SLC24A2: variants seen among roughly 807,000 people sequenced by gnomAD.
The protein encoded by SLC24A2 is solute carrier family 24 member 2, also known as sodium/potassium/calcium exchanger 2.
In SLC24A2, 36 loss-of-function variants were observed where a neutral mutation model predicts 62.0. The observed-to-expected ratio is 0.58, with a 90% CI of 0.44 to 0.77. SLC24A2 has a LOEUF of 0.77. Ranked by LOEUF, SLC24A2 falls within the 30% of genes least tolerant of loss-of-function variation. The pLI, the probability that SLC24A2 is intolerant of heterozygous loss-of-function variation, is 0.00. For synonymous variants in SLC24A2, 358 were observed against 294.0 expected, an observed-to-expected ratio of 1.22 and a Z score of -2.23; for missense variants, 846 against 817.9, an observed-to-expected ratio of 1.03 and a Z score of -0.42.
At chr9:19,732,594 A>G (rs1045687015) in intron 2 of SLC24A2, among the ~76,000 whole-genome samples, 56 of 152,328 alleles carry the variant, frequency 3.7e-4, no homozygotes, top group African/African-American at 1.3e-3. Flanking sequence ...TGTCTTAATG[A>G]GGCTTTGGCA....
the SLC24A2 span, among the ~76,000 whole-genome samples, chr9:20,108,378 G>T: frequency 1.3e-5 from 2 of 152,160 alleles, no homozygotes; most frequent in East Asian, 1.9e-4. Flanking sequence ...AAATCATGCT[G>T]CTATAAAGAC....
the SLC24A2 span, among the ~76,000 whole-genome samples, chr9:20,084,735 T>C: frequency 6.6e-6 from 1 of 152,152 alleles, no homozygotes; most frequent in Non-Finnish European, 1.5e-5. Context: ...CAGTTCAGTT[T>C]CTACACCTTC....
chr9:19,780,468 A>G (rs1822980684), intron 2 of SLC24A2, among the ~76,000 whole-genome samples: 1 of 151,332 alleles, frequency 6.6e-6, no homozygotes, highest in African/African-American at 2.4e-5. Flanking sequence ...GGGTTTCACC[A>G]TCTTGGCCAG....
chr9:20,151,897 C>T, the SLC24A2 span, among the ~76,000 whole-genome samples: 1 of 151,708 alleles, frequency 6.6e-6, no homozygotes, highest in African/African-American at 2.4e-5. Flanking sequence ...CAAAAGAACT[C>T]ATTCCTTTCT....
the SLC24A2 span, among the ~76,000 whole-genome samples, chr9:19,971,510 A>T: frequency 4.1e-4 from 63 of 152,330 alleles, no homozygotes; most frequent in African/African-American, 1.4e-3. Flanking sequence ...CAGGGGAAGG[A>T]TTCTCACTTA....
chr9:20,070,968 A>G, the SLC24A2 span, among the ~76,000 whole-genome samples: 1 of 152,178 alleles, frequency 6.6e-6, no homozygotes, highest in African/African-American at 2.4e-5. Context: ...GGTTTATTAT[A>G]GTTTAACACC....
chr9:20,069,859 A>G, the SLC24A2 span, among the ~76,000 whole-genome samples: 19 of 152,202 alleles, frequency 1.2e-4, no homozygotes, highest in Non-Finnish European at 1.8e-4. Flanking sequence ...GACTCTCAGT[A>G]TCATTCATGT....
intron 2 of SLC24A2, among the ~76,000 whole-genome samples, chr9:19,753,475 G>A (rs1222902372): frequency 6.6e-6 from 1 of 152,086 alleles, no homozygotes; most frequent in African/African-American, 2.4e-5. Flanking sequence ...TCATACAGTT[G>A]GGTGCTTATT....
the SLC24A2 span, among the ~76,000 whole-genome samples, chr9:19,919,570 C>CT: frequency 0.013 from 1,992 of 152,142 alleles, 48 homozygotes; most frequent in African/African-American, 0.046. Context: ...GAAAAAACCT[C>CT]TTTTTTTCCA....
chr9:19,863,236 C>G, the SLC24A2 span, among the ~76,000 whole-genome samples: 29 of 152,108 alleles, frequency 1.9e-4, no homozygotes, highest in African/African-American at 6.7e-4. Flanking sequence ...CACCCAGATA[C>G]ATAAAGCAAA....
At position 19,514,113 on chromosome 9, in the gene SLC24A2, T is replaced by C. The variant is rs1427488842; in HGVS notation, c.*2040A>G. On this transcript the variant is annotated 3_prime_UTR_variant, in exon 11 of 11. Transcript: ENST00000341998. ...TTCCCAGGGGGCCTCGGGTTTGAAG[T>C]GCTTTTTACTTCTGGGTGAAGAGGA... The C allele has an allele frequency of 6.6e-6, 1 of 152,162 alleles. No homozygotes were observed. Among genetic ancestry groups the C allele is most frequent in the Admixed American group, 6.5e-5 (1 of 15,278 alleles). 9.4% of individuals were successfully genotyped at this position (152,162 alleles called of 1,614,324 possible).
the SLC24A2 span, among the ~76,000 whole-genome samples, chr9:19,972,096 A>G: frequency 4.6e-5 from 7 of 152,146 alleles, no homozygotes; most frequent in Non-Finnish European, 1.0e-4. Context: ...ATACTTTGTT[A>G]GCTGGGTTGC....
At chr9:20,077,784 C>T in the SLC24A2 span, among the ~76,000 whole-genome samples, 54 of 152,180 alleles carry the variant, frequency 3.5e-4, no homozygotes, top group Non-Finnish European at 7.2e-4. Context: ...CCCAAGTCAT[C>T]CCTGGTAATC....
At chr9:19,759,917 T>G (rs1564084757) in intron 2 of SLC24A2, among the ~76,000 whole-genome samples, 2 of 152,206 alleles carry the variant, frequency 1.3e-5, no homozygotes, top group Non-Finnish European at 2.9e-5. Flanking sequence ...TGTGGCCTTT[T>G]AAAATAAGAT....
chr9:19,836,758 T>G, the SLC24A2 span, among the ~76,000 whole-genome samples: 1 of 152,284 alleles, frequency 6.6e-6, no homozygotes, highest in Admixed American at 6.5e-5. Context: ...TACCAAAGCC[T>G]GGCAGAGACA....
the SLC24A2 span, among the ~76,000 whole-genome samples, chr9:20,182,544 C>A: frequency 1.3e-5 from 2 of 152,166 alleles, no homozygotes; most frequent in African/African-American, 4.8e-5. Flanking sequence ...GACAGGAAAC[C>A]AAACACTGCA....
the SLC24A2 span, among the ~76,000 whole-genome samples, chr9:19,963,639 C>A: frequency 6.6e-6 from 1 of 152,186 alleles, no homozygotes. Flanking sequence ...CACTGGCCAT[C>A]AGAGAAATGC....
chr9:19,899,345 C>T, the SLC24A2 span, among the ~76,000 whole-genome samples: 1 of 152,198 alleles, frequency 6.6e-6, no homozygotes, highest in Admixed American at 6.5e-5. Flanking sequence ...GGCTATAGCC[C>T]AGGATTAAGG....
intron 2 of SLC24A2, among the ~76,000 whole-genome samples, chr9:19,637,580 T>C (rs930341166): frequency 2.6e-5 from 4 of 152,230 alleles, no homozygotes; most frequent in Non-Finnish European, 5.9e-5. Flanking sequence ...ATGGGTGCAC[T>C]TCCTTGTAAG....
Sources: gnomAD v4.1 joint callset for allele counts (sites outside exome capture counted in the v4.1 genomes callset) on GRCh38, gnomAD v4.1.1 for gene constraint, MANE v1.5 for transcripts, NCBI Gene and HGNC (gene_info 2026-07-23, HGNC 2026-07-21) for gene names.